Variants in XRN2 observed in about 807,000 individuals in gnomAD.
The protein encoded by XRN2 is 5'-3' exoribonuclease 2.
In XRN2, 44 loss-of-function variants were observed where a neutral mutation model predicts 138.5. The ratio of observed to expected loss-of-function variants is 0.32; its 90% CI spans 0.25 to 0.41. XRN2 has a LOEUF of 0.41. Ranked by LOEUF, XRN2 falls within the 10% of genes least tolerant of loss-of-function variation. The pLI, the probability that XRN2 is intolerant of heterozygous loss-of-function variation, is 1.00. For missense variants in XRN2, 937 were observed against 1,169.3 expected, an observed-to-expected ratio of 0.80 and a Z score of 2.90; for synonymous variants, 354 against 369.4, an observed-to-expected ratio of 0.96 and a Z score of 0.48.
intron 1 of XRN2, among the ~76,000 whole-genome samples, chr20:21,311,281 A>G (rs1038445156): frequency 1.3e-5 from 2 of 152,118 alleles, no homozygotes; most frequent in African/African-American, 4.8e-5. Flanking sequence ...CCCACTTTCT[A>G]TCTTTATAAA....
intron 14 of XRN2, among the ~76,000 whole-genome samples, chr20:21,340,008 T>C (rs990057744): frequency 7.2e-5 from 11 of 152,210 alleles, no homozygotes; most frequent in Non-Finnish European, 1.2e-4. Flanking sequence ...TTTCTACTTA[T>C]ATATTATTAT....
intron 27 of XRN2, among the ~76,000 whole-genome samples, chr20:21,380,730 C>T (rs1366399102): frequency 2.6e-5 from 4 of 152,226 alleles, no homozygotes; most frequent in Non-Finnish European, 5.9e-5. Flanking sequence ...GAAGGGCTTC[C>T]TGCACCTTTC....
intron 1 of XRN2, 31 bp from the exon 2 acceptor site, chr20:21,326,248 C>A: frequency 1.2e-6 from 2 of 1,602,276 alleles, no homozygotes; most frequent in South Asian, 2.2e-5. Context: ...CTTGAACAAT[C>A]AAACTACTAT....
chr20:21,310,030 A>G (rs768914152), intron 1 of XRN2, among the ~76,000 whole-genome samples: 4 of 152,188 alleles, frequency 2.6e-5, no homozygotes, highest in Non-Finnish European at 4.4e-5. Flanking sequence ...TTATTAAGGT[A>G]GAAGCTGAGG....
intron 1 of XRN2, chr20:21,303,677 C>T (rs1422514622): frequency 2.1e-5 from 28 of 1,324,888 alleles, no homozygotes; most frequent in Non-Finnish European, 2.6e-5. Flanking sequence ...ATTCAGGACC[C>T]TCGGCGGGGC....
At chr20:21,332,586 A>G in intron 9 of XRN2, 146 bp downstream of exon 9, 2 of 819,504 alleles carry the variant, frequency 2.4e-6, no homozygotes, top group Non-Finnish European at 1.7e-6. Context: ...TTTAAAATGG[A>G]TGAAGAGAAG....
chr20:21,319,848 T>C (rs748651688), intron 1 of XRN2, among the ~76,000 whole-genome samples: 19 of 152,182 alleles, frequency 1.2e-4, no homozygotes, highest in Non-Finnish European at 2.5e-4. Flanking sequence ...CCCTTTTTGC[T>C]ATTAGGGCAA....
Position 21,348,568 on chromosome 20 carries a change from A to G in XRN2, c.1863+138A>G. The G allele has an allele frequency of 6.5e-6, 5 of 765,536 alleles. No individual in the cohort carries two copies. In the South Asian group the frequency reaches 9.1e-5, roughly 14 times the overall value. The allele number at this position is 765,536 out of a possible 1,614,324, so 47.4% of individuals were successfully genotyped here. ...TATGTTTTTTACTCCAAACACACAT[A>G]TATTTCCTGCTTTCTTTGGCCCTGC... On this transcript the variant is annotated intron_variant, in intron 19 of 29. Transcript: ENST00000377191.
At chr20:21,368,655 A>C (rs997415373) in intron 27 of XRN2, 65 bp downstream of exon 27, 72 of 1,587,906 alleles carry the variant, frequency 4.5e-5, no homozygotes, top group Non-Finnish European at 6.0e-5. Context: ...GTTGGTTTCT[A>C]ATCTTCTTTG....
chr20:21,337,589 G>A (rs1217756777), intron 13 of XRN2, among the ~76,000 whole-genome samples: 2 of 152,128 alleles, frequency 1.3e-5, no homozygotes. Context: ...TGGGAGGAGA[G>A]AAGTGGAGAG....
At chr20:21,381,891 C>A in intron 27 of XRN2, 103 bp from the exon 28 acceptor site, 1 of 928,540 alleles carries the variant, frequency 1.1e-6, no homozygotes, top group Non-Finnish European at 1.5e-6. Flanking sequence ...GGTTTACAGT[C>A]TTTCTCAGAT....
At chr20:21,346,338 T>G in intron 16 of XRN2, 77 bp from the exon 17 acceptor site, 1 of 1,548,888 alleles carries the variant, frequency 6.5e-7, no homozygotes, top group Non-Finnish European at 8.8e-7. Flanking sequence ...TATAAATTGA[T>G]TTGGGGTATA....
chr20:21,344,164 A>G lies in XRN2; in HGVS notation c.1485A>G (p.Lys495=), dbSNP rs1257346373. 1 of 1,613,486 alleles carries G rather than the reference A, an allele frequency of 6.2e-7. No individual in the cohort carries two copies. The highest frequency in any genetic ancestry group is 2.2e-5 in the East Asian group (1 of 44,858). ...CTCCATTAGGAGGAATTAAGCGAAA[A>G]GCAGAAGACAGTGACAGTGAACCTG... The part of the protein sequence containing the change: ...SPSPLGGIKR[K]AEDSDSEPEP... The change falls in exon 16 of 30, where the codon AAA becomes AAG. Residue 495 remains lysine, a synonymous_variant. Coordinates refer to ENST00000377191, the MANE Select transcript of XRN2 (RefSeq NM_012255.5).
In XRN2 at chr20:21,346,441, G is replaced by A. The variant is rs1459911561; in HGVS notation, c.1556G>A (p.Arg519Gln). 1.9e-6 allele frequency: 3 copies of A among 1,613,890 alleles called. No homozygotes were observed. Among genetic ancestry groups the A allele is most frequent in the South Asian group, 1.1e-5 (1 of 91,088 alleles). The change falls in exon 17 of 30, where the codon CGG becomes CAG. Residue 519 changes from arginine (R) to glutamine (Q), a missense_variant. Arg to Gln is a conservative substitution (Grantham distance 43). This residue lies in a region of XRN2 where 471 missense variants were observed against 581.2 expected (regional missense o/e 0.81). Coordinates refer to ENST00000377191, the MANE Select transcript of XRN2 (RefSeq NM_012255.5). ...VRLWEAGWKQRYYKNKFDVDA... is the reference protein window; with the variant it reads ...VRLWEAGWKQQYYKNKFDVDA... ...TTATGGGAAGCTGGCTGGAAGCAGC[G>A]GTACTACAAGAACAAATTTGATGTG...
chr20:21,317,602 G>T (rs2037977740), intron 1 of XRN2, among the ~76,000 whole-genome samples: 1 of 152,236 alleles, frequency 6.6e-6, no homozygotes, highest in East Asian at 1.9e-4. Context: ...ATATAATGGT[G>T]TAATATTTGC....
At chr20:21,337,541 A>T (rs1364338712) in intron 13 of XRN2, among the ~76,000 whole-genome samples, 1 of 152,140 alleles carries the variant, frequency 6.6e-6, no homozygotes, top group Non-Finnish European at 1.5e-5. Flanking sequence ...CAGCATGTAG[A>T]TGGTGTTCAA....
intron 28 of XRN2, among the ~76,000 whole-genome samples, chr20:21,383,126 C>T (rs1026092115): frequency 5.3e-5 from 8 of 152,134 alleles, no homozygotes; most frequent in African/African-American, 1.7e-4. Flanking sequence ...TCATGTTATT[C>T]GATGTTTACT....
chr20:21,353,794 T>TAAA lies in XRN2; in HGVS notation c.1937-981_1937-979dup, dbSNP rs11483541. 2.8e-4 allele frequency among the ~76,000 whole-genome samples: 39 copies of TAAA among 138,960 alleles called. No individual in the cohort carries two copies. The South Asian group carries it at 7.2e-3, about 26-fold the overall frequency. 91.2% of individuals were successfully genotyped at this position (138,960 alleles called of 152,430 possible). On this transcript the variant is annotated intron_variant, in intron 20 of 29. Transcript: ENST00000377191. ...TGGGTGACAGAGTGAGACCCTATCT[T>TAAA]AAAAAAAAAAAAAAAACAACTGTTA...
chr20:21,322,730 T>C (rs1285847273), intron 1 of XRN2, among the ~76,000 whole-genome samples: 1 of 152,254 alleles, frequency 6.6e-6, no homozygotes. Context: ...TTATCTTTAC[T>C]TCTTTAAATA....
Sources: allele counts gnomAD v4.1 joint callset (sites outside exome capture counted in the v4.1 genomes callset), GRCh38; gene constraint gnomAD v4.1.1; regional missense constraint gnomAD v4.1.1; transcripts MANE v1.5; gene names NCBI Gene and HGNC (gene_info 2026-07-23, HGNC 2026-07-21).